Variants in UBL7 observed in about 807,000 individuals in gnomAD.
UBL7 encodes ubiquitin like 7.
UBL7 carries 21 observed loss-of-function variants against 41.7 expected under a neutral mutation model. The ratio of observed to expected loss-of-function variants is 0.50; its 90% CI spans 0.36 to 0.73. The LOEUF (loss-of-function observed/expected upper bound fraction) is 0.73, where lower values mean the gene tolerates loss of function less well. UBL7 is among the 30% of genes least tolerant of loss of function. The probability of loss-of-function intolerance (pLI) is 0.00; values close to 1 mark genes in which losing one functional copy is unlikely to be tolerated. For missense variants in UBL7, 403 were observed against 478.4 expected (o/e 0.84, Z 1.47); for synonymous variants, 157 against 186.9 (o/e 0.84, Z 1.31).
chr15:74,458,024 C>T (rs1246291463), intron 2 of UBL7, among the ~76,000 whole-genome samples: 1 of 152,112 alleles, frequency 6.6e-6, no homozygotes, highest in Non-Finnish European at 1.5e-5. Context: ...GTCAACCAAG[C>T]AAAAATCCTT....
intron 1 of UBL7, among the ~76,000 whole-genome samples, chr15:74,460,094 T>C (rs985239302): frequency 6.6e-6 from 1 of 151,688 alleles, no homozygotes; most frequent in South Asian, 2.1e-4. Context: ...TAGAAAAAAT[T>C]TGCAGGGCGT....
At chr15:74,450,330 C>G (rs1369912221) in intron 6 of UBL7, among the ~76,000 whole-genome samples, 4 of 152,202 alleles carry the variant, frequency 2.6e-5, no homozygotes, top group South Asian at 4.1e-4. Context: ...AAAGGTGCAG[C>G]CTGGGAGGCT....
At position 74,449,470 on chromosome 15, in the gene UBL7, G is replaced by A. The variant is rs1405046648; in HGVS notation, c.715-117C>T. On this transcript the variant is annotated intron_variant, in intron 8 of 10. Coordinates refer to ENST00000395081, the MANE Select transcript of UBL7 (RefSeq NM_032907.5). Reference sequence around the variant, plus strand: ...CTCTTAAGTTCCCAGGTTCAGAAAGGAATCCAAAAGCAGAAATAGTATGAC... The same window carrying A: ...CTCTTAAGTTCCCAGGTTCAGAAAGAAATCCAAAAGCAGAAATAGTATGAC... 4.3e-5 allele frequency: 66 copies of A among 1,532,572 alleles called. 1 individual carries two copies. 94.9% of individuals were successfully genotyped at this position (1,532,572 alleles called of 1,614,324 possible).
Position 74,449,659 on chromosome 15 carries a change from T to C in UBL7, c.681A>G (p.Glu227=), listed in dbSNP as rs2061222450. ...YRDMPGGFLF[E]GLSDDEDDFH... is the part of the protein sequence containing the mutation. ...AGTCATCCTCATCATCTGAGAGCCCTTCAAACAGGAAGCCACCTGGAGGAG... is the reference window on the plus strand; with the variant it reads ...AGTCATCCTCATCATCTGAGAGCCCCTCAAACAGGAAGCCACCTGGAGGAG... Residue 227 remains glutamate (E), a synonymous_variant, in exon 8 of 11, where the codon GAA becomes GAG. Coordinates refer to ENST00000395081, the MANE Select transcript of UBL7 (RefSeq NM_032907.5). The C allele has an allele frequency of 6.2e-7, 1 of 1,613,978 alleles. No individual in the cohort carries two copies. The highest frequency in any genetic ancestry group is 1.3e-5 in the African/African-American group (1 of 74,878).
intron 3 of UBL7, 41 bp downstream of exon 3, chr15:74,456,511 T>C: frequency 6.2e-7 from 1 of 1,610,026 alleles, no homozygotes; most frequent in African/African-American, 1.3e-5. Context: ...CTTGCGGATA[T>C]TACAGAAACT....
In UBL7 at chr15:74,446,139, C is replaced by T; in HGVS notation, c.1094G>A (p.Gly365Glu). Residue 365 changes from glycine (G) to glutamate (E), a missense_variant, in exon 11 of 11, where the codon GGG becomes GAG. Coordinates refer to ENST00000395081, the MANE Select transcript of UBL7 (RefSeq NM_032907.5). The surrounding 1 kb of genome is among the most constrained non-coding windows in gnomAD (Gnocchi z 4.1). ...LSLRALQATG[G>E]DIQAALELIF... ...GAGCTCCAGGGCTGCTTGGATGTCC[C>T]CACCGGTGGCCTGCAGGGCCCGCAG... The T allele has an allele frequency of 1.9e-6, 3 of 1,614,086 alleles. No individual in the cohort carries two copies. The highest frequency in any genetic ancestry group is 2.5e-6 in the Non-Finnish European group (3 of 1,180,006).
intron 4 of UBL7, 113 bp downstream of exon 4, chr15:74,452,183 G>A: frequency 8.9e-7 from 1 of 1,123,642 alleles, no homozygotes; most frequent in African/African-American, 1.5e-5. Flanking sequence ...AACTCCCCAA[G>A]GAACTCTTGG....
intron 4 of UBL7, among the ~76,000 whole-genome samples, chr15:74,451,816 C>T (rs925525024): frequency 1.3e-5 from 2 of 152,176 alleles, no homozygotes; most frequent in East Asian, 1.9e-4. Context: ...ATTACAAGCC[C>T]GGTAACAAAG....
At chr15:74,452,645 C>A (rs187285405) in intron 3 of UBL7, among the ~76,000 whole-genome samples, 2 of 152,284 alleles carry the variant, frequency 1.3e-5, no homozygotes, top group Admixed American at 6.5e-5. Flanking sequence ...AGACTCTTAC[C>A]ACATGAAAAA....
intron 3 of UBL7, among the ~76,000 whole-genome samples, chr15:74,454,820 C>G (rs1484302999): frequency 6.6e-6 from 1 of 152,168 alleles, no homozygotes; most frequent in East Asian, 1.9e-4. Context: ...AATTGAGTAT[C>G]TTAATAACTC....
chr15:74,455,623 TA>T (rs1322035070), intron 3 of UBL7, among the ~76,000 whole-genome samples: 3 of 152,098 alleles, frequency 2.0e-5, no homozygotes, highest in Non-Finnish European at 4.4e-5. Context: ...TTTGTATCAC[TA>T]AAAAATAAAC....
chr15:74,451,984 A>G, intron 4 of UBL7, among the ~76,000 whole-genome samples: 1 of 152,204 alleles, frequency 6.6e-6, no homozygotes, highest in East Asian at 1.9e-4. Flanking sequence ...CATCTAGGTC[A>G]AGGGGCAGTA....
chr15:74,450,875 G>A lies in UBL7; in HGVS notation c.473-16C>T. 6.2e-7 allele frequency: 1 copy of A among 1,612,962 alleles called. No homozygotes were observed. Among genetic ancestry groups the A allele is most frequent in the Non-Finnish European group, 8.5e-7 (1 of 1,179,554 alleles). The stretch of plus-strand genomic sequence containing the variant: ...TGGAGAACCCCTGAAAAAGAGCAGA[G>A]CTCACCTCAAAGAAAGGAAATCAGC... On this transcript the variant is annotated splice_polypyrimidine_tract_variant and intron_variant, in intron 5 of 10. Transcript: ENST00000395081.
intron 1 of UBL7, among the ~76,000 whole-genome samples, chr15:74,460,230 T>A (rs2061336091): frequency 6.6e-6 from 1 of 151,932 alleles, no homozygotes; most frequent in South Asian, 2.1e-4. Flanking sequence ...CGACAGAGAC[T>A]CCGTCCCTCC....
intron 3 of UBL7, among the ~76,000 whole-genome samples, chr15:74,455,993 G>C (rs1337482470): frequency 6.6e-6 from 1 of 152,174 alleles, no homozygotes; most frequent in South Asian, 2.1e-4. Flanking sequence ...CAGGCTTGGT[G>C]GTGGGCGCCT....
intron 10 of UBL7, among the ~76,000 whole-genome samples, chr15:74,447,379 T>A (rs974144846): frequency 6.6e-6 from 1 of 152,166 alleles, no homozygotes; most frequent in African/African-American, 2.4e-5. Context: ...GTATTCCACT[T>A]AGCTGCTAGG....
Position 74,448,724 on chromosome 15 carries a change from C to T in UBL7, c.883-124G>A, listed in dbSNP as rs1021730199. 3 of 1,378,784 alleles carry T rather than the reference C, an allele frequency of 2.2e-6. 1 individual carries two copies. The highest frequency in any genetic ancestry group is 3.0e-6 in the Non-Finnish European group (3 of 1,000,550). 85.4% of individuals were successfully genotyped at this position (1,378,784 alleles called of 1,614,324 possible). ...CCCAACTTCTGCCTCCCAACAAAGA[C>T]CTGCCATAAGACAACCAAACAAAGG... On this transcript the variant is annotated intron_variant, in intron 9 of 10. Transcript: ENST00000395081.
At chr15:74,449,742 G>A (rs1217272436) in intron 7 of UBL7, 67 bp from the exon 8 acceptor site, 2 of 1,600,264 alleles carry the variant, frequency 1.2e-6, no homozygotes, top group Non-Finnish European at 1.7e-6. Context: ...CAGAATCTCA[G>A]CTCAAGTTAC....
intron 1 of UBL7, chr15:74,460,781 G>A (rs1388508022): frequency 1.6e-6 from 2 of 1,269,734 alleles, no homozygotes; most frequent in Non-Finnish European, 2.0e-6. Context: ...AGAGACCTCT[G>A]ATAGAGAAGA....
Sources: allele counts gnomAD v4.1 joint callset (sites outside exome capture counted in the v4.1 genomes callset), GRCh38; gene constraint gnomAD v4.1.1; non-coding constraint Gnocchi (gnomAD v3.1); transcripts MANE v1.5; gene names NCBI Gene and HGNC (gene_info 2026-07-23, HGNC 2026-07-21).